Variants in TENM4 observed in about 807,000 individuals in gnomAD.
TENM4 encodes teneurin-4.
Under a neutral mutation model 243.3 loss-of-function variants are expected in TENM4, and 82 were observed. The observed-to-expected ratio is 0.34, with a 90% CI of 0.28 to 0.40. The LOEUF (loss-of-function observed/expected upper bound fraction) is 0.40. Ranked by LOEUF, TENM4 falls within the 10% of genes least tolerant of loss-of-function variation. TENM4 has a pLI of 1.00. For synonymous variants in TENM4, 1,412 were observed against 1,456.3 expected (o/e 0.97, Z 0.69); for missense variants, 3,138 against 3,673.3 (o/e 0.85, Z 3.77).
In TENM4 at chr11:78,709,729, G is replaced by GT. The variant is rs759428149; in HGVS notation, c.4055-1215dup. 4.6e-5 allele frequency among the ~76,000 whole-genome samples: 7 copies of GT among 152,286 alleles called. No individual in the cohort carries two copies. In the East Asian group the frequency reaches 1.2e-3, roughly 25 times the overall value. ...ACCAGAGTCTGAGAACCACTCCACT[G>GT]TATCAGTACCTCTCAGCCTGTGATG... is the stretch of plus-strand genomic sequence containing the variant. On this transcript the variant is annotated intron_variant, in intron 26 of 33. Coordinates refer to ENST00000278550, the MANE Select transcript of TENM4 (RefSeq NM_001098816.3).
At position 78,942,128 on chromosome 11, in the gene TENM4, C is replaced by T. The variant is rs1024651019; in HGVS notation, c.494-38605G>A. Among the ~76,000 whole-genome samples, 4 of 138,708 alleles carry T rather than the reference C, an allele frequency of 2.9e-5. No homozygotes were observed. The South Asian group carries it at 7.2e-4, about 25-fold the overall frequency. 91.0% of individuals were successfully genotyped at this position (138,708 alleles called of 152,430 possible). ...TGAGCTAAAAAAAAAAAAAAAAAAT[C>T]ACTTCTGGGTGTGGTGGCTCATGCC... On this transcript the variant is annotated intron_variant, in intron 6 of 33. Transcript: ENST00000278550.
chr11:78,987,103 C>T (rs977323659), intron 6 of TENM4, among the ~76,000 whole-genome samples: 3 of 152,162 alleles, frequency 2.0e-5, no homozygotes, highest in Non-Finnish European at 2.9e-5. Context: ...GCTTCCTCCC[C>T]ATCATATTAT....
intron 7 of TENM4, among the ~76,000 whole-genome samples, chr11:78,894,514 T>C (rs1178337782): frequency 6.6e-6 from 1 of 152,166 alleles, no homozygotes; most frequent in African/African-American, 2.4e-5. Flanking sequence ...AAAGAGAGAC[T>C]GGACAATTAT....
intron 1 of TENM4, among the ~76,000 whole-genome samples, chr11:79,403,609 A>T (rs1215297361): frequency 1.3e-5 from 2 of 152,150 alleles, no homozygotes; most frequent in Non-Finnish European, 2.9e-5. Context: ...CTGTCATGTA[A>T]TTGCCAGTGC....
At chr11:79,402,201 G>C in intron 1 of TENM4, 1 of 208,012 alleles carries the variant, frequency 4.8e-6, no homozygotes, top group Non-Finnish European at 1.2e-5. Flanking sequence ...AGGAATTTAG[G>C]ACCTTATTGG....
At position 78,863,086 on chromosome 11, in the gene TENM4, C is replaced by A; in HGVS notation, c.1131G>T (p.Gly377=). Residue 377 remains glycine (G), a synonymous_variant, in exon 10 of 34, where the codon GGG becomes GGT. Transcript: ENST00000278550. ...GLNWHLQPME[G]QMYEITEDTA... is the part of the protein sequence containing the mutation. Reference sequence around the variant, plus strand: ...TGTCCTCCGTGATCTCATACATCTGCCCCTCCATCGGCTGCAGGTGCCAGT... The same window carrying A: ...TGTCCTCCGTGATCTCATACATCTGACCCTCCATCGGCTGCAGGTGCCAGT... 1 of 1,532,270 alleles carries A rather than the reference C, an allele frequency of 6.5e-7. No individual in the cohort carries two copies. The allele number at this position is 1,532,270 out of a possible 1,614,324, so 94.9% of individuals were successfully genotyped here. A position where few individuals can be genotyped will look rare whatever the true frequency, so the allele number is the denominator to read the frequency against.
Position 79,069,945 on chromosome 11 carries a change from G to A in TENM4, c.-1C>T. 1 of 1,545,078 alleles carries A rather than the reference G, an allele frequency of 6.5e-7. No individual in the cohort carries two copies. The highest frequency in any genetic ancestry group is 1.2e-5 in the South Asian group (1 of 83,888). ...AAGGCTTCCTCTCCTTCACGTCCAT[G>A]GCCTCCGGCCCGCGCTCCTCCACAT... is the stretch of plus-strand genomic sequence containing the variant. On this transcript the variant is annotated 5_prime_UTR_variant, in exon 5 of 34. Coordinates refer to ENST00000278550, the MANE Select transcript of TENM4 (RefSeq NM_001098816.3).
intron 2 of TENM4, among the ~76,000 whole-genome samples, chr11:79,294,098 G>A (rs1467520504): frequency 1.3e-5 from 2 of 152,136 alleles, no homozygotes; most frequent in African/African-American, 4.8e-5. Context: ...TGTCTTTAAT[G>A]CATGGCTAAT....
chr11:78,839,547 G>A (rs949942416), intron 12 of TENM4, among the ~76,000 whole-genome samples: 21 of 148,458 alleles, frequency 1.4e-4, no homozygotes. Context: ...TTCAGTTAAT[G>A]TTTTTTTTTT....
At chr11:79,387,623 C>T (rs530978215) in intron 1 of TENM4, among the ~76,000 whole-genome samples, 27 of 93,324 alleles carry the variant, frequency 2.9e-4, no homozygotes, top group African/African-American at 9.4e-4. Flanking sequence ...GTTTCACTTC[C>T]CTTCCCTTCC....
intron 6 of TENM4, among the ~76,000 whole-genome samples, chr11:79,021,397 A>G (rs1297965739): frequency 2.6e-5 from 4 of 152,218 alleles, no homozygotes; most frequent in South Asian, 4.1e-4. Context: ...TGCAAGTAGC[A>G]TCTGAGAGTA....
chr11:79,084,268 A>AGGAATATAAAAGTGT (rs776633240), intron 4 of TENM4, among the ~76,000 whole-genome samples: 17 of 152,248 alleles, frequency 1.1e-4, no homozygotes, highest in Non-Finnish European at 2.1e-4. Flanking sequence ...CATTGCTGGT[A>AGGAATATAAAAGTGT]GGAATATAAA....
At chr11:79,225,360 C>A (rs113919710) in intron 2 of TENM4, among the ~76,000 whole-genome samples, 1 of 152,126 alleles carries the variant, frequency 6.6e-6, no homozygotes, top group Non-Finnish European at 1.5e-5. Context: ...GCATCTCTGC[C>A]TTTTCTCTGG....
chr11:78,704,672 T>C (rs1414749670), intron 27 of TENM4, among the ~76,000 whole-genome samples: 1 of 152,136 alleles, frequency 6.6e-6, no homozygotes, highest in African/African-American at 2.4e-5. Flanking sequence ...AAAGAGGAGA[T>C]TAAGTGCTTG....
intron 27 of TENM4, among the ~76,000 whole-genome samples, chr11:78,707,769 G>A (rs773315167): frequency 6.6e-6 from 1 of 152,208 alleles, no homozygotes; most frequent in Admixed American, 6.5e-5. Flanking sequence ...GCTAGGAGTC[G>A]TGGATGCATT....
In TENM4 at chr11:78,712,417, G is replaced by A. The variant is rs1240191176; in HGVS notation, c.4054+65C>T. The stretch of plus-strand genomic sequence containing the variant: ...AATTTTTGCAATATTAATCATGCAT[G>A]TTTTTCTGAAAAGGAAAATACCCCA... On this transcript the variant is annotated intron_variant, in intron 26 of 33. Transcript: ENST00000278550. The A allele has an allele frequency of 3.9e-6, 6 of 1,520,560 alleles. No homozygotes were observed. In the African/African-American group the frequency reaches 6.9e-5, roughly 18 times the overall value. 94.2% of individuals were successfully genotyped at this position (1,520,560 alleles called of 1,614,324 possible). A position where few individuals can be genotyped will look rare whatever the true frequency, so the allele number is the denominator to read the frequency against.
intron 10 of TENM4, among the ~76,000 whole-genome samples, chr11:78,856,769 C>T (rs1858691214): frequency 6.6e-6 from 1 of 152,138 alleles, no homozygotes; most frequent in South Asian, 2.1e-4. Flanking sequence ...AAAGGTACTT[C>T]TGAAAAGAGG....
At chr11:79,298,521 C>CAA (rs61373828) in intron 1 of TENM4, among the ~76,000 whole-genome samples, 716 of 17,118 alleles carry the variant, frequency 0.042, 46 homozygotes, top group African/African-American at 0.079. Flanking sequence ...GACTCCGTCT[C>CAA]AAAAAAAAAA....
rs56237099 is a variant in TENM4, at chr11:79,081,534, G to GGTGTGTGTGTGTGTGTGT, written c.-65-11543_-65-11526dup. Among the ~76,000 whole-genome samples, 554 of 148,272 alleles carry GGTGTGTGTGTGTGTGTGT rather than the reference G, an allele frequency of 3.7e-3. 4 individuals carry two copies. The highest frequency in any genetic ancestry group is 7.0e-3 in the Middle Eastern group (2 of 286). On this transcript the variant is annotated intron_variant, in intron 4 of 33. Transcript: ENST00000278550. ...CCAGGCTGTCCTTCCTGTCAGAGGT[G>GGTGTGTGTGTGTGTGTGT]GTGTGTGTGTGTGTGTGTGTGTGTG...
Sources: allele counts gnomAD v4.1 joint callset (sites outside exome capture counted in the v4.1 genomes callset), GRCh38; gene constraint gnomAD v4.1.1; transcripts MANE v1.5; gene names NCBI Gene and HGNC (gene_info 2026-07-23, HGNC 2026-07-21).